Variants in CALN1 observed in about 807,000 individuals in gnomAD.
The protein encoded by CALN1 is calneuron 1.
CALN1 carries 17 observed loss-of-function variants against 30.6 expected under a neutral mutation model. That is an observed-to-expected ratio of 0.56 (90% CI 0.38 to 0.83). The LOEUF (loss-of-function observed/expected upper bound fraction) is 0.83. Among genes scored for constraint, CALN1 ranks in the 40% least tolerant of loss-of-function variants. The pLI is 0.00. For missense variants in CALN1, 291 were observed against 354.9 expected (o/e 0.82, Z 1.45); for synonymous variants, 156 against 131.4 (o/e 1.19, Z -1.28).
chr7:72,463,772 T>G, the CALN1 span, among the ~76,000 whole-genome samples: 1,092 of 151,766 alleles, frequency 7.2e-3, 13 homozygotes, highest in African/African-American at 0.025. Context: ...TGTTGCCCAG[T>G]CTGGTCTCAA....
intron 2 of CALN1, among the ~76,000 whole-genome samples, chr7:72,401,503 T>C (rs904870203): frequency 1.3e-5 from 2 of 152,188 alleles, no homozygotes; most frequent in Admixed American, 6.5e-5. Context: ...CACACAAATG[T>C]GTGACTGCAA....
intron 4 of CALN1, among the ~76,000 whole-genome samples, chr7:72,069,578 CTG>C (rs1804252127): frequency 6.6e-6 from 1 of 152,168 alleles, no homozygotes; most frequent in South Asian, 2.1e-4. Flanking sequence ...CTTCTTTTCT[CTG>C]TGTGTCAAAT....
chr7:71,824,775 C>A (rs1000357020), intron 5 of CALN1, among the ~76,000 whole-genome samples: 2 of 152,106 alleles, frequency 1.3e-5, no homozygotes, highest in East Asian at 3.9e-4. Flanking sequence ...ATTTTCCTGC[C>A]GAGAGAGAGC....
chr7:72,226,623 C>A (rs1317552606), intron 3 of CALN1, among the ~76,000 whole-genome samples: 4 of 152,202 alleles, frequency 2.6e-5, no homozygotes, highest in African/African-American at 9.6e-5. Context: ...CCAAACACAT[C>A]TTCCTACACT....
intron 2 of CALN1, among the ~76,000 whole-genome samples, chr7:72,293,000 G>A (rs2129555055): frequency 6.6e-6 from 1 of 152,106 alleles, no homozygotes; most frequent in South Asian, 2.1e-4. Flanking sequence ...CTGGGGGGCA[G>A]GGAGGTTCCT....
chr7:72,293,900 C>T (rs1798663086), intron 2 of CALN1, among the ~76,000 whole-genome samples: 2 of 151,996 alleles, frequency 1.3e-5, no homozygotes, highest in Non-Finnish European at 2.9e-5. Flanking sequence ...AGTTTGAGAC[C>T]AGCCTGGCCA....
chr7:72,012,172 G>A (rs904140740), intron 5 of CALN1, among the ~76,000 whole-genome samples: 2 of 152,180 alleles, frequency 1.3e-5, no homozygotes, highest in Non-Finnish European at 2.9e-5. Context: ...GCTCATCTCA[G>A]CTACAGGCTG....
the CALN1 span, among the ~76,000 whole-genome samples, chr7:72,465,384 T>TC: frequency 6.6e-6 from 1 of 152,218 alleles, no homozygotes; most frequent in Non-Finnish European, 1.5e-5. Flanking sequence ...CTGGGCTCTG[T>TC]CTTCCTTGCC....
chr7:72,327,628 C>T (rs946127024), intron 2 of CALN1, among the ~76,000 whole-genome samples: 2 of 152,148 alleles, frequency 1.3e-5, no homozygotes, highest in Non-Finnish European at 1.5e-5. Flanking sequence ...TTCCTATTGC[C>T]TAACTTTTGA....
chr7:72,267,486 T>C (rs533047218), intron 3 of CALN1, among the ~76,000 whole-genome samples: 3 of 152,286 alleles, frequency 2.0e-5, no homozygotes, highest in South Asian at 4.1e-4. Context: ...TGCTCACCCA[T>C]GTGTCACAGT....
intron 5 of CALN1, among the ~76,000 whole-genome samples, chr7:71,859,321 C>T (rs1351866671): frequency 6.6e-6 from 1 of 152,172 alleles, no homozygotes; most frequent in Non-Finnish European, 1.5e-5. Context: ...CCTCAGCCTC[C>T]CAAAGTGCTG....
At chr7:72,375,495 G>A (rs1212672129) in intron 2 of CALN1, among the ~76,000 whole-genome samples, 1 of 151,420 alleles carries the variant, frequency 6.6e-6, no homozygotes, top group Non-Finnish European at 1.5e-5. Context: ...GAGTTCTGGA[G>A]GTCGAGGCTG....
chr7:72,387,374 A>G (rs1464048799), intron 2 of CALN1, among the ~76,000 whole-genome samples: 2 of 151,638 alleles, frequency 1.3e-5, no homozygotes, highest in East Asian at 2.0e-4. Flanking sequence ...GAGCAGGAGC[A>G]TAACTCCTGT....
chr7:72,418,769 C>G lies in CALN1; in HGVS notation c.-225-6494G>C, dbSNP rs78081764. Among the ~76,000 whole-genome samples, 341 of 152,270 alleles carry G rather than the reference C, an allele frequency of 2.2e-3. 1 individual carries two copies. Among genetic ancestry groups the G allele is most frequent in the African/African-American group, 8.1e-3 (335 of 41,550 alleles). The stretch of plus-strand genomic sequence containing the variant: ...GCTTGCACCTATAACCCCAGCCCTT[C>G]AGAGGGCAAGGTGGGAGGATTGCTT... On this transcript the variant is annotated intron_variant, in intron 1 of 6. Transcript: ENST00000395276.
At chr7:72,215,999 T>C (rs947334413) in intron 3 of CALN1, among the ~76,000 whole-genome samples, 6 of 152,120 alleles carry the variant, frequency 3.9e-5, no homozygotes, top group African/African-American at 1.4e-4. Context: ...CAGTTCTACT[T>C]CCAGGCCATT....
chr7:72,075,425 CT>C (rs1804663699), intron 4 of CALN1, among the ~76,000 whole-genome samples: 1 of 152,166 alleles, frequency 6.6e-6, no homozygotes, highest in African/African-American at 2.4e-5. Context: ...AACATCTCAC[CT>C]TTTAGTTCAG....
At chr7:72,237,869 T>C (rs897677480) in intron 3 of CALN1, among the ~76,000 whole-genome samples, 1 of 152,200 alleles carries the variant, frequency 6.6e-6, no homozygotes, top group Non-Finnish European at 1.5e-5. Flanking sequence ...CCCAGAAATG[T>C]TACCATGGAA....
chr7:72,124,752 AC>A (rs1808622680), intron 3 of CALN1, among the ~76,000 whole-genome samples: 1 of 151,998 alleles, frequency 6.6e-6, no homozygotes, highest in Admixed American at 6.6e-5. Context: ...AGAAAAAAAA[AC>A]ATGAAGATAA....
At chr7:72,475,861 A>G in the CALN1 span, among the ~76,000 whole-genome samples, 1 of 151,422 alleles carries the variant, frequency 6.6e-6, no homozygotes, top group African/African-American at 2.4e-5. Flanking sequence ...TTCTCGTGCT[A>G]ATGAATAAGT....
Sources: gnomAD v4.1 joint callset for allele counts (sites outside exome capture counted in the v4.1 genomes callset) on GRCh38, gnomAD v4.1.1 for gene constraint, MANE v1.5 for transcripts, NCBI Gene and HGNC (gene_info 2026-07-23, HGNC 2026-07-21) for gene names.